Variants in TRAPPC6A observed in about 807,000 individuals in gnomAD.
The protein encoded by TRAPPC6A is trafficking protein particle complex subunit 6A, also known as TRAPP complex subunit 6A.
In TRAPPC6A, 25 loss-of-function variants were observed where a neutral mutation model predicts 20.8. The observed-to-expected ratio is 1.20, with a 90% CI of 0.88 to 1.68. The LOEUF is 1.68. Among genes scored for constraint, TRAPPC6A ranks in the 40% most tolerant of loss-of-function variants. The probability of loss-of-function intolerance (pLI) is 0.00; values close to 1 mark genes in which losing one functional copy is unlikely to be tolerated. For synonymous variants in TRAPPC6A, 96 were observed against 93.3 expected (o/e 1.03, Z -0.16); for missense variants, 215 against 211.6 (o/e 1.02, Z -0.10).
In TRAPPC6A at chr19:45,163,505, G is replaced by C. The variant is rs371121794; in HGVS notation, c.449-282C>G. 3.0e-4 allele frequency among the ~76,000 whole-genome samples: 46 copies of C among 152,214 alleles called. 1 individual carries two copies. The highest frequency in any genetic ancestry group is 1.1e-3 in the African/African-American group (44 of 41,540). On this transcript the variant is annotated intron_variant, in intron 5 of 5. Coordinates refer to ENST00000585934, the MANE Select transcript of TRAPPC6A (RefSeq NM_001270891.2). This position sits in a 1 kb window ranked among gnomAD's most constrained non-coding sequence, Gnocchi z 5.3. ...CGGGGGCCCCCATGAGTGGGCCTGG[G>C]GAACCGGCAGAGGCAAAATAACTGA...
intron 1 of TRAPPC6A, 74 bp from the exon 2 acceptor site, chr19:45,165,268 C>T: frequency 7.0e-7 from 1 of 1,433,250 alleles, no homozygotes; most frequent in Non-Finnish European, 9.6e-7. Context: ...GGGGGACCTG[C>T]CAGGGGACCC....
chr19:45,167,695 C>T (rs920690039), intron 1 of TRAPPC6A, among the ~76,000 whole-genome samples: 60 of 152,180 alleles, frequency 3.9e-4, no homozygotes, highest in Non-Finnish European at 7.1e-4. Flanking sequence ...TTTGGCCAGG[C>T]GGGTCTCGAA....
rs930105815 is a variant in TRAPPC6A at position 45,164,833 on chromosome 19, G to A, written c.270+20C>T. On this transcript the variant is annotated intron_variant, in intron 3 of 5. Coordinates refer to ENST00000585934, the MANE Select transcript of TRAPPC6A (RefSeq NM_001270891.2). ...TTGCCCTCAGGAGGAAGCTGGACGGGCAGGCCGGGGTGCTCCCACCTGGTG... is the reference window on the plus strand; with the variant it reads ...TTGCCCTCAGGAGGAAGCTGGACGGACAGGCCGGGGTGCTCCCACCTGGTG... 3.7e-6 allele frequency: 6 copies of A among 1,606,916 alleles called. No homozygotes were observed.
At chr19:45,167,667 A>C (rs1969184474) in intron 1 of TRAPPC6A, among the ~76,000 whole-genome samples, 1 of 152,104 alleles carries the variant, frequency 6.6e-6, no homozygotes, top group African/African-American at 2.4e-5. Flanking sequence ...TTTTTAGTAG[A>C]GACAGGGTTT....
rs887862578 is a variant in TRAPPC6A, at chr19:45,173,520, G to A, written c.84+4615C>T. ...AGTTCTAATTTTGCCTTTGAGTCTT[G>A]CTGAACCACCTCGAAATCCCTTCCT... On this transcript the variant is annotated intron_variant, in intron 1 of 5. Transcript: ENST00000585934. The surrounding 1 kb of genome is among the most constrained non-coding windows in gnomAD (Gnocchi z 4.8). Among the ~76,000 whole-genome samples, 26 of 152,196 alleles carry A rather than the reference G, an allele frequency of 1.7e-4. No homozygotes were observed. Among genetic ancestry groups the A allele is most frequent in the Non-Finnish European group, 8.8e-5 (6 of 68,032 alleles).
intron 1 of TRAPPC6A, among the ~76,000 whole-genome samples, chr19:45,169,710 C>T (rs79016999): frequency 0.087 from 13,321 of 152,248 alleles, 856 homozygotes; most frequent in Non-Finnish European, 0.13. Flanking sequence ...ACAGCCCGGG[C>T]GAGAGCTCGC....
intron 1 of TRAPPC6A, among the ~76,000 whole-genome samples, chr19:45,167,546 G>A (rs903335980): frequency 1.3e-5 from 2 of 152,036 alleles, no homozygotes; most frequent in Non-Finnish European, 2.9e-5. Flanking sequence ...GCAACGGCGC[G>A]ATCTCAGCTC....
intron 1 of TRAPPC6A, among the ~76,000 whole-genome samples, chr19:45,174,543 C>A (rs1599739845): frequency 6.6e-6 from 1 of 152,144 alleles, no homozygotes; most frequent in South Asian, 2.1e-4. Context: ...CGCATCCTGG[C>A]AGGGCGTGCT....
rs188437697 is a variant in TRAPPC6A at position 45,168,293 on chromosome 19, G to A, written c.85-3099C>T. ...GCTGGGATTATAGGCGTGAGCCACC[G>A]CGCCCGGCCCTGACCCTGTCTTAAA... On this transcript the variant is annotated intron_variant, in intron 1 of 5. Coordinates refer to ENST00000585934, the MANE Select transcript of TRAPPC6A (RefSeq NM_001270891.2). Among the ~76,000 whole-genome samples, 296 of 152,202 alleles carry A rather than the reference G, an allele frequency of 1.9e-3. 1 individual carries two copies. The highest frequency in any genetic ancestry group is 3.6e-3 in the Non-Finnish European group (244 of 68,016).
At chr19:45,175,990 A>ACC (rs1969364279) in intron 1 of TRAPPC6A, among the ~76,000 whole-genome samples, 1 of 152,114 alleles carries the variant, frequency 6.6e-6, no homozygotes, top group Non-Finnish European at 1.5e-5. Flanking sequence ...TGGTTCACTG[A>ACC]GTAATCCCCA....
chr19:45,165,559 A>G (rs1327279529), intron 1 of TRAPPC6A, among the ~76,000 whole-genome samples: 1 of 152,138 alleles, frequency 6.6e-6, no homozygotes, highest in Non-Finnish European at 1.5e-5. Flanking sequence ...GAACCCTCAC[A>G]ATGCCCTGGG....
intron 1 of TRAPPC6A, 149 bp downstream of exon 1, chr19:45,177,986 C>T: frequency 6.9e-7 from 1 of 1,441,726 alleles, no homozygotes; most frequent in South Asian, 1.3e-5. Context: ...GCGAACGCCA[C>T]TTTCCAAAGG....
intron 1 of TRAPPC6A, among the ~76,000 whole-genome samples, chr19:45,171,353 C>G (rs1969265173): frequency 1.5e-5 from 2 of 134,352 alleles, no homozygotes. Context: ...GCTGGCCAGA[C>G]AGAGACTCTC....
chr19:45,165,451 C>T (rs546914889), intron 1 of TRAPPC6A, among the ~76,000 whole-genome samples: 23 of 152,364 alleles, frequency 1.5e-4, no homozygotes, highest in African/African-American at 5.5e-4. Flanking sequence ...ACCAGCTCCC[C>T]CTTCCCTCAG....
intron 1 of TRAPPC6A, 76 bp from the exon 2 acceptor site, chr19:45,165,270 A>G: frequency 7.0e-7 from 1 of 1,433,050 alleles, no homozygotes; most frequent in South Asian, 1.2e-5. Flanking sequence ...GGGACCTGCC[A>G]GGGGACCCAA....
chr19:45,173,463 C>T lies in TRAPPC6A; in HGVS notation c.84+4672G>A, dbSNP rs4012975. Among the ~76,000 whole-genome samples the T allele has an allele frequency of 3.5e-3, 526 of 152,268 alleles. 3 individuals are homozygous for T. Among genetic ancestry groups the T allele is most frequent in the African/African-American group, 0.011 (447 of 41,542 alleles). On this transcript the variant is annotated intron_variant, in intron 1 of 5. Coordinates refer to ENST00000585934, the MANE Select transcript of TRAPPC6A (RefSeq NM_001270891.2). The surrounding 1 kb of genome is among the most constrained non-coding windows in gnomAD (Gnocchi z 4.8). ...TGAAGCTGGTGGGAAAGGCGGCCTG[C>T]GCTACCCAGAAGCCCTGGGGCCAGA...
chr19:45,164,189 A>C lies in TRAPPC6A; in HGVS notation c.329T>G (p.Leu110Arg). The C allele has an allele frequency of 6.2e-7, 1 of 1,609,734 alleles. No homozygotes were observed. The highest frequency in any genetic ancestry group is 8.5e-7 in the Non-Finnish European group (1 of 1,178,082). ...FPLLLPMASG[L>R]QYLEEAPKFL... ...CTTGGGTGCTTCCTCCAGATACTGC[A>C]GGCCAGAGGCCATCGGGAGGAGGAG... The change falls in exon 4 of 6, where the codon CTG becomes CGG. Residue 110 changes from leucine (L) to arginine (R), a missense_variant. By Grantham distance (102) the Leu-to-Arg change is moderately radical. Coordinates refer to ENST00000585934, the MANE Select transcript of TRAPPC6A (RefSeq NM_001270891.2).
At chr19:45,175,430 A>G (rs944158031) in intron 1 of TRAPPC6A, among the ~76,000 whole-genome samples, 1 of 151,950 alleles carries the variant, frequency 6.6e-6, no homozygotes, top group Non-Finnish European at 1.5e-5. Context: ...CCGTCTCAAA[A>G]AAAAAAAAAA....
In TRAPPC6A at chr19:45,164,238, C is replaced by T. The variant is rs752910934; in HGVS notation, c.280G>A (p.Val94Ile). ...AGGGGGAAGCTGTTGTCTTGCAGGA[C>T]GTAGGTCCCCTGGGGGAGAGGAGAG... ...SLRTNHQGTY[V>I]LQDNSFPLLL... The change falls in exon 4 of 6, where the codon GTC becomes ATC. Residue 94 changes from valine to isoleucine, a missense_variant. Transcript: ENST00000585934. 2.1e-5 allele frequency: 34 copies of T among 1,604,260 alleles called. No individual in the cohort carries two copies. Among genetic ancestry groups the T allele is most frequent in the South Asian group, 4.5e-5 (4 of 89,416 alleles).
Sources: gnomAD v4.1 joint callset for allele counts (sites outside exome capture counted in the v4.1 genomes callset) on GRCh38, gnomAD v4.1.1 for gene constraint, Gnocchi (gnomAD v3.1) non-coding constraint, MANE v1.5 for transcripts, NCBI Gene and HGNC (gene_info 2026-07-23, HGNC 2026-07-21) for gene names.